Variants in FREM3 observed in about 807,000 individuals in gnomAD.
FREM3 encodes the protein FRAS1 related extracellular matrix 3.
In FREM3, 105 loss-of-function variants were observed where a neutral mutation model predicts 129.1. That is an observed-to-expected ratio of 0.81 (90% CI 0.69 to 0.96). The LOEUF is 0.96. FREM3 is among the 40% of genes least tolerant of loss of function. FREM3 has a pLI of 0.00. For missense variants in FREM3, 2,593 were observed against 2,666.3 expected (o/e 0.97, Z 0.61); for synonymous variants, 1,014 against 1,044.9 (o/e 0.97, Z 0.57).
chr4:143,648,551 T>C (rs1165633133), intron 2 of FREM3, among the ~76,000 whole-genome samples: 2 of 152,242 alleles, frequency 1.3e-5, no homozygotes, highest in Non-Finnish European at 1.5e-5. Flanking sequence ...CTCATGATAC[T>C]GAGTGACTTC....
chr4:143,598,161 A>G (rs1475962794), intron 6 of FREM3, among the ~76,000 whole-genome samples: 1 of 152,200 alleles, frequency 6.6e-6, no homozygotes, highest in Non-Finnish European at 1.5e-5. Flanking sequence ...GGGAGACACA[A>G]ACATTCAGTC....
At position 143,611,366 on chromosome 4, in the gene FREM3, T is replaced by C. The variant is rs1266750628; in HGVS notation, c.5941A>G (p.Ser1981Gly). 7.8e-6 allele frequency: 12 copies of C among 1,537,034 alleles called. No individual in the cohort carries two copies. Among genetic ancestry groups the C allele is most frequent in the Non-Finnish European group, 7.8e-6 (9 of 1,146,836 alleles). The change falls in exon 6 of 8, where the codon AGC becomes GGC. Residue 1981 changes from serine to glycine, a missense_variant. Ser to Gly is a moderately conservative substitution (Grantham distance 56, BLOSUM62 0). This residue lies in a region of FREM3 where 317 missense variants were observed against 399.0 expected (regional missense o/e 0.79). Coordinates refer to ENST00000329798, the MANE Select transcript of FREM3 (RefSeq NM_001168235.2). Reference protein sequence around the residue: ...DSLYEEEESFSVSLRLPVGGQ... With the variant: ...DSLYEEEESFGVSLRLPVGGQ... ...CCCACTGGCAGCCTAAGTGAAACGCTGAAGGATTCCTCCTCTTCATAAAGG... is the reference window on the plus strand; with the variant it reads ...CCCACTGGCAGCCTAAGTGAAACGCCGAAGGATTCCTCCTCTTCATAAAGG...
At chr4:143,644,321 G>A (rs928352022) in intron 2 of FREM3, among the ~76,000 whole-genome samples, 2 of 151,948 alleles carry the variant, frequency 1.3e-5, no homozygotes, top group Non-Finnish European at 2.9e-5. Context: ...TTATGCATAC[G>A]TGAGCTCTTT....
At chr4:143,641,918 GT>G (rs1308745133) in intron 2 of FREM3, among the ~76,000 whole-genome samples, 1 of 152,082 alleles carries the variant, frequency 6.6e-6, no homozygotes, top group African/African-American at 2.4e-5. Flanking sequence ...ATAGAACTGG[GT>G]CTGTTAGGCA....
At chr4:143,595,036 A>C (rs1738441962) in intron 6 of FREM3, among the ~76,000 whole-genome samples, 1 of 152,244 alleles carries the variant, frequency 6.6e-6, no homozygotes, top group Admixed American at 6.5e-5. Context: ...AGGAAAAATA[A>C]ATATGACAAG....
At chr4:143,589,915 CT>C (rs1738325980) in intron 6 of FREM3, among the ~76,000 whole-genome samples, 1 of 152,028 alleles carries the variant, frequency 6.6e-6, no homozygotes, top group African/African-American at 2.4e-5. Flanking sequence ...CTTTTATTTC[CT>C]TGAGCAGTGG....
At chr4:143,682,990 A>G (rs72940280) in intron 2 of FREM3, among the ~76,000 whole-genome samples, 11,065 of 152,110 alleles carry the variant, frequency 0.073, 1,077 homozygotes, top group African/African-American at 0.21. Flanking sequence ...AAAGAGGGAG[A>G]CAGGGGAGTG....
intron 2 of FREM3, among the ~76,000 whole-genome samples, chr4:143,667,079 G>C (rs1739876328): frequency 6.6e-6 from 1 of 152,026 alleles, no homozygotes; most frequent in Admixed American, 6.6e-5. Context: ...CCTGTAATTT[G>C]ATAATAAAGT....
chr4:143,598,851 G>A (rs1016830119), intron 6 of FREM3, among the ~76,000 whole-genome samples: 4 of 152,164 alleles, frequency 2.6e-5, no homozygotes, highest in Non-Finnish European at 1.5e-5. Context: ...AGGAGTAATA[G>A]GTTATACCAT....
chr4:143,632,052 A>G (rs904222756), intron 2 of FREM3, among the ~76,000 whole-genome samples: 1 of 152,190 alleles, frequency 6.6e-6, no homozygotes, highest in Admixed American at 6.5e-5. Flanking sequence ...ATTCTCTTGT[A>G]GATCTAAGTT....
intron 2 of FREM3, among the ~76,000 whole-genome samples, chr4:143,638,702 G>T (rs1739273827): frequency 6.6e-6 from 1 of 152,140 alleles, no homozygotes; most frequent in African/African-American, 2.4e-5. Flanking sequence ...GGACACCAGA[G>T]TTTGCTGTGT....
intron 7 of FREM3, among the ~76,000 whole-genome samples, chr4:143,583,023 G>A (rs552344359): frequency 6.6e-6 from 1 of 151,824 alleles, no homozygotes; most frequent in African/African-American, 2.4e-5. Flanking sequence ...TTGGACTACA[G>A]GTGCACACCA....
chr4:143,618,869 C>G lies in FREM3; in HGVS notation c.5779+2168G>C, dbSNP rs144752905. On this transcript the variant is annotated intron_variant, in intron 5 of 7. Coordinates refer to ENST00000329798, the MANE Select transcript of FREM3 (RefSeq NM_001168235.2). ...TGTGATGGAGTCACTGCACTCCAGCCTGGGTGATAGAGTGAAACCCTGTCT... is the reference window on the plus strand; with the variant it reads ...TGTGATGGAGTCACTGCACTCCAGCGTGGGTGATAGAGTGAAACCCTGTCT... Among the ~76,000 whole-genome samples, 85 of 152,178 alleles carry G rather than the reference C, an allele frequency of 5.6e-4. No individual in the cohort carries two copies. The East Asian group carries it at 0.016, about 28-fold the overall frequency.
Position 143,627,608 on chromosome 4 carries a change from A to G in FREM3, c.5422+6T>C. 1 of 1,534,794 alleles carries G rather than the reference A, an allele frequency of 6.5e-7. No homozygotes were observed. Among genetic ancestry groups the G allele is most frequent in the East Asian group, 2.4e-5 (1 of 40,858 alleles). On this transcript the variant is annotated splice_donor_region_variant and intron_variant, in intron 3 of 7. Coordinates refer to ENST00000329798, the MANE Select transcript of FREM3 (RefSeq NM_001168235.2). ...TTTTACCAACAACCAATCCAAAGTT[A>G]CTTACTGATAAATGATGTTTCTCCA...
chr4:143,634,439 C>T (rs942916854), intron 2 of FREM3, among the ~76,000 whole-genome samples: 8 of 152,062 alleles, frequency 5.3e-5, no homozygotes, highest in African/African-American at 1.9e-4. Flanking sequence ...GCTTATCTGA[C>T]ATAAGATACC....
chr4:143,605,124 C>A (rs1738646121), intron 6 of FREM3, among the ~76,000 whole-genome samples: 1 of 152,086 alleles, frequency 6.6e-6, no homozygotes, highest in Non-Finnish European at 1.5e-5. Flanking sequence ...TTTCAAACAA[C>A]ACTGTAAATT....
At chr4:143,591,997 G>A (rs922210519) in intron 6 of FREM3, among the ~76,000 whole-genome samples, 2 of 152,106 alleles carry the variant, frequency 1.3e-5, no homozygotes, top group Admixed American at 1.3e-4. Context: ...TTATGTAATG[G>A]CCTTCTTTGT....
chr4:143,657,902 T>G (rs1254989132), intron 2 of FREM3, among the ~76,000 whole-genome samples: 1 of 152,098 alleles, frequency 6.6e-6, no homozygotes, highest in Non-Finnish European at 1.5e-5. Context: ...GAAATCTGGG[T>G]GCCCCTCCTG....
intron 6 of FREM3, among the ~76,000 whole-genome samples, chr4:143,601,486 A>G (rs1393866869): frequency 2.0e-5 from 3 of 152,228 alleles, no homozygotes; most frequent in African/African-American, 7.2e-5. Context: ...CAAATCACGT[A>G]CTAAAAATTG....
Sources: gnomAD v4.1 joint callset for allele counts (sites outside exome capture counted in the v4.1 genomes callset) on GRCh38, gnomAD v4.1.1 for gene constraint, gnomAD v4.1.1 regional missense constraint, MANE v1.5 for transcripts, NCBI Gene and HGNC (gene_info 2026-07-23, HGNC 2026-07-21) for gene names.